The following SP100 variants were observed in gnomAD, a reference collection of about 807,000 sequenced individuals.
The protein encoded by SP100 is nuclear autoantigen Sp-100.
A neutral mutation model predicts 130.0 loss-of-function variants in SP100; 84 were observed. The observed-to-expected ratio is 0.65, with a 90% CI of 0.54 to 0.77. The LOEUF (loss-of-function observed/expected upper bound fraction) is 0.77. Ranked by LOEUF, SP100 falls within the 30% of genes least tolerant of loss-of-function variation. The pLI is 0.00. For synonymous variants in SP100, 331 were observed against 351.7 expected (o/e 0.94, Z 0.66); for missense variants, 978 against 1,052.2 (o/e 0.93, Z 0.97).
At chr2:230,500,199 T>C (rs1212432134) in intron 19 of SP100, among the ~76,000 whole-genome samples, 1 of 152,212 alleles carries the variant, frequency 6.6e-6, no homozygotes, top group Non-Finnish European at 1.5e-5. Flanking sequence ...TTTTACATGG[T>C]TAATGTAGAA....
rs142065527 is a variant in SP100, at chr2:230,443,121, A to T, written c.270+22A>T. ...TGAAGTAAGTAAAGTTTATTATGTC[A>T]CAATCTGGTAAAGCAGCCCCAAAAT... On this transcript the variant is annotated intron_variant, in intron 3 of 28. Coordinates refer to ENST00000340126, the MANE Select transcript of SP100 (RefSeq NM_001080391.2). The T allele has an allele frequency of 7.3e-4, 1,178 of 1,611,342 alleles. 7 individuals are homozygous for T. In the African/African-American group the frequency reaches 0.014, roughly 19 times the overall value.
At chr2:230,528,541 T>C (rs1691541591) in intron 24 of SP100, among the ~76,000 whole-genome samples, 1 of 151,912 alleles carries the variant, frequency 6.6e-6, no homozygotes, top group South Asian at 2.1e-4. Context: ...AGAAAACAAA[T>C]TCAAAAGCTA....
intron 3 of SP100, 51 bp downstream of exon 3, chr2:230,443,150 T>G (rs2063536151): frequency 6.3e-6 from 10 of 1,579,720 alleles, no homozygotes; most frequent in Non-Finnish European, 8.7e-6. Flanking sequence ...CCAAAATAAG[T>G]TATGCTTTGA....
chr2:230,477,955 A>AT (rs1380766925), intron 17 of SP100, among the ~76,000 whole-genome samples: 3 of 151,528 alleles, frequency 2.0e-5, no homozygotes, highest in African/African-American at 7.3e-5. Context: ...AAACAAAAAA[A>AT]AAAGCATTGA....
rs1024144180 is a variant in SP100, at chr2:230,437,652, A to G, written c.108-5285A>G. Reference sequence around the variant, plus strand: ...AGGCTCACTGCATCCTCCACCTCCCAGGTTCAAGCAATTCTCCTGCCTCAG... The same window carrying G: ...AGGCTCACTGCATCCTCCACCTCCCGGGTTCAAGCAATTCTCCTGCCTCAG... On this transcript the variant is annotated intron_variant, in intron 2 of 28. Coordinates refer to ENST00000340126, the MANE Select transcript of SP100 (RefSeq NM_001080391.2). Among the ~76,000 whole-genome samples, 3 of 151,986 alleles carry G rather than the reference A, an allele frequency of 2.0e-5. No individual in the cohort carries two copies. In the East Asian group the frequency reaches 5.8e-4, roughly 29 times the overall value.
chr2:230,483,479 C>T (rs1293159723), intron 17 of SP100, among the ~76,000 whole-genome samples: 1 of 152,126 alleles, frequency 6.6e-6, no homozygotes, highest in East Asian at 1.9e-4. Flanking sequence ...AACTTATAGG[C>T]CATGGCAAAG....
At chr2:230,416,963 G>A (rs541723379) in intron 1 of SP100, 1 of 884,886 alleles carries the variant, frequency 1.1e-6, no homozygotes, top group South Asian at 5.2e-5. Context: ...AAAAGAGAAG[G>A]AAATCCTAAC....
chr2:230,534,663 G>C (rs1273832702), intron 24 of SP100, among the ~76,000 whole-genome samples: 1 of 152,164 alleles, frequency 6.6e-6, no homozygotes. Context: ...TCACATCTGA[G>C]GTGGTGGTCA....
intron 17 of SP100, among the ~76,000 whole-genome samples, chr2:230,475,633 A>G (rs180714479): frequency 1.3e-5 from 2 of 152,260 alleles, no homozygotes; most frequent in African/African-American, 4.8e-5. Flanking sequence ...CAGGAAGGGT[A>G]TTTCCTAGGT....
At chr2:230,420,494 T>C (rs534333593) in intron 2 of SP100, among the ~76,000 whole-genome samples, 2 of 152,176 alleles carry the variant, frequency 1.3e-5, no homozygotes, top group Non-Finnish European at 2.9e-5. Context: ...GGGGAATACT[T>C]ATAATGTTTA....
At position 230,507,975 on chromosome 2, in the gene SP100, A is replaced by C; in HGVS notation, c.2014-18A>C. ...AAAGCAAGAACCCATCAAATCATTTATCTCTTTTCTTTTTTAGAACAAATT... is the reference window on the plus strand; with the variant it reads ...AAAGCAAGAACCCATCAAATCATTTCTCTCTTTTCTTTTTTAGAACAAATT... On this transcript the variant is annotated intron_variant, in intron 22 of 28. Coordinates refer to ENST00000340126, the MANE Select transcript of SP100 (RefSeq NM_001080391.2). The C allele has an allele frequency of 6.2e-7, 1 of 1,611,944 alleles. No individual in the cohort carries two copies. The highest frequency in any genetic ancestry group is 8.5e-7 in the Non-Finnish European group (1 of 1,178,660).
intron 2 of SP100, among the ~76,000 whole-genome samples, chr2:230,438,305 G>A (rs1337321489): frequency 1.3e-5 from 2 of 151,756 alleles, no homozygotes; most frequent in Non-Finnish European, 2.9e-5. Context: ...TAGTTTTGGG[G>A]GAACAGGTGG....
intron 2 of SP100, among the ~76,000 whole-genome samples, chr2:230,437,612 C>T (rs894131717): frequency 6.6e-6 from 1 of 151,944 alleles, no homozygotes; most frequent in African/African-American, 2.4e-5. Flanking sequence ...CTCTGTCACC[C>T]AGGCTGGAGT....
At chr2:230,471,369 A>G (rs926560506) in intron 15 of SP100, among the ~76,000 whole-genome samples, 1 of 152,190 alleles carries the variant, frequency 6.6e-6, no homozygotes, top group African/African-American at 2.4e-5. Flanking sequence ...AAAATAGTTC[A>G]GCATGACCAC....
intron 17 of SP100, among the ~76,000 whole-genome samples, chr2:230,491,631 C>T (rs912468506): frequency 7.2e-5 from 11 of 152,280 alleles, no homozygotes; most frequent in Non-Finnish European, 1.6e-4. Context: ...GCTGAAGTGC[C>T]ACATTTTTAA....
At chr2:230,445,196 A>T (rs1456786974) in intron 4 of SP100, among the ~76,000 whole-genome samples, 4 of 152,236 alleles carry the variant, frequency 2.6e-5, no homozygotes, top group African/African-American at 9.7e-5. Context: ...AAAATGGTAC[A>T]CGTTAAAGAC....
chr2:230,515,883 T>C, intron 24 of SP100: 1 of 1,239,738 alleles, frequency 8.1e-7, no homozygotes, highest in Admixed American at 4.0e-5. Context: ...GGCATGGAAA[T>C]TTAAAGCAGG....
Position 230,494,459 on chromosome 2 carries a change from A to G in SP100, c.1644A>G (p.Arg548=), listed in dbSNP as rs754652413. 6.2e-7 allele frequency: 1 copy of G among 1,606,092 alleles called. No individual in the cohort carries two copies. The highest frequency in any genetic ancestry group is 8.5e-7 in the Non-Finnish European group (1 of 1,172,792). ...GATCTAAAGTAAATGGTCTCCAAAG[A>G]GGTAAGAAGAAATGTGGGGATTTAC... The part of the protein sequence containing the change: ...RHRSKVNGLQ[R]GRKKDRPRKH... The change falls in exon 18 of 29, where the codon AGA becomes AGG. Residue 548 remains arginine (R), a splice_region_variant and synonymous_variant. Transcript: ENST00000340126.
In SP100 at chr2:230,416,296, G is replaced by A; in HGVS notation, c.-1G>A. On this transcript the variant is annotated 5_prime_UTR_variant, in exon 1 of 29. Coordinates refer to ENST00000340126, the MANE Select transcript of SP100 (RefSeq NM_001080391.2). ...GCCCACGCAGGGCCTAGGGTGGGAAGATGGCAGGTGGGGGCGGCGACCTGA... is the reference window on the plus strand; with the variant it reads ...GCCCACGCAGGGCCTAGGGTGGGAAAATGGCAGGTGGGGGCGGCGACCTGA... The A allele has an allele frequency of 6.2e-7, 1 of 1,613,618 alleles. No homozygotes were observed. Among genetic ancestry groups the A allele is most frequent in the Non-Finnish European group, 8.5e-7 (1 of 1,179,662 alleles).
Sources: gnomAD v4.1 joint callset for allele counts (sites outside exome capture counted in the v4.1 genomes callset) on GRCh38, gnomAD v4.1.1 for gene constraint, MANE v1.5 for transcripts, NCBI Gene and HGNC (gene_info 2026-07-23, HGNC 2026-07-21) for gene names.